Variants in ATG7 observed in about 807,000 individuals in gnomAD.
The protein encoded by ATG7 is autophagy related 7.
ATG7 carries 70 observed loss-of-function variants against 82.4 expected under a neutral mutation model. The observed-to-expected ratio is 0.85, with a 90% CI of 0.70 to 1.04. ATG7 has a LOEUF of 1.04. Among genes scored for constraint, ATG7 ranks in the 50% least tolerant of loss-of-function variants. ATG7 has a pLI of 0.00. For missense variants in ATG7, 792 were observed against 864.3 expected (o/e 0.92, Z 1.05); for synonymous variants, 287 against 313.0 (o/e 0.92, Z 0.88).
intron 20 of ATG7, among the ~76,000 whole-genome samples, chr3:11,501,129 C>G (rs2091289465): frequency 6.6e-6 from 1 of 152,176 alleles, no homozygotes. Context: ...TGATACGCAC[C>G]TGTAGTCCCA....
chr3:11,320,343 A>G (rs1950051440), intron 9 of ATG7, among the ~76,000 whole-genome samples: 1 of 151,740 alleles, frequency 6.6e-6, no homozygotes, highest in Middle Eastern at 3.2e-3. Flanking sequence ...CTGGAGTACA[A>G]TGGCATGATG....
intron 20 of ATG7, among the ~76,000 whole-genome samples, chr3:11,465,184 C>T (rs1245221771): frequency 6.6e-6 from 1 of 151,790 alleles, no homozygotes; most frequent in South Asian, 2.1e-4. Context: ...GGGCCGGGCA[C>T]AGTGGCTCAC....
chr3:11,535,979 G>A (rs2070254670), intron 20 of ATG7, among the ~76,000 whole-genome samples: 1 of 152,346 alleles, frequency 6.6e-6, no homozygotes, highest in East Asian at 1.9e-4. Flanking sequence ...CAGCCATCAG[G>A]CCATCCAGTG....
downstream of ATG7, chr3:11,558,044 T>G (rs2072602930): frequency 6.3e-6 from 1 of 157,986 alleles, no homozygotes; most frequent in South Asian, 1.9e-4. Flanking sequence ...CACATAAAGT[T>G]GTCAGGCAAC....
intron 20 of ATG7, among the ~76,000 whole-genome samples, chr3:11,478,603 G>A (rs1354916139): frequency 2.6e-5 from 4 of 152,112 alleles, no homozygotes; most frequent in Admixed American, 1.3e-4. Context: ...CTCTTGGTTT[G>A]GTTCCATATT....
the ATG7 span, among the ~76,000 whole-genome samples, chr3:11,574,831 GTGTGTGTA>G: frequency 4.3e-5 from 6 of 140,750 alleles, no homozygotes; most frequent in Non-Finnish European, 9.2e-5. Context: ...GTGTGTGTGT[GTGTGTGTA>G]TTTTAAAAGC....
intron 20 of ATG7, among the ~76,000 whole-genome samples, chr3:11,542,840 C>T (rs956754734): frequency 1.3e-5 from 2 of 150,994 alleles, no homozygotes; most frequent in African/African-American, 4.9e-5. Flanking sequence ...TCAAGTGTAG[C>T]TCGGAGGTGC....
intron 14 of ATG7, among the ~76,000 whole-genome samples, chr3:11,350,414 G>A (rs1055021397): frequency 2.6e-5 from 4 of 152,178 alleles, no homozygotes; most frequent in African/African-American, 9.7e-5. Context: ...GGGTGTGCAG[G>A]TTGGCTGTGG....
Position 11,489,227 on chromosome 3 carries a change from G to A in ATG7, c.2079+62301G>A, listed in dbSNP as rs529000629. Among the ~76,000 whole-genome samples, 36 of 152,324 alleles carry A rather than the reference G, an allele frequency of 2.4e-4. No individual in the cohort carries two copies. In the South Asian group the frequency reaches 6.8e-3, roughly 29 times the overall value. On this transcript the variant is annotated intron_variant, in intron 20 of 20. Transcript: ENST00000693202. ...GCTCTCTTCAAAGCTGTCAGACAGGGACATTTAAGTCTGCAGAGGTTACTG... is the reference window on the plus strand; with the variant it reads ...GCTCTCTTCAAAGCTGTCAGACAGGAACATTTAAGTCTGCAGAGGTTACTG...
intron 19 of ATG7, among the ~76,000 whole-genome samples, chr3:11,412,601 G>C (rs1290351966): frequency 6.6e-6 from 1 of 152,142 alleles, no homozygotes; most frequent in Non-Finnish European, 1.5e-5. Flanking sequence ...AGTAAGTTTG[G>C]AAATCAGGAA....
intron 18 of ATG7, among the ~76,000 whole-genome samples, chr3:11,375,580 G>A (rs528320460): frequency 2.0e-4 from 31 of 152,264 alleles, no homozygotes; most frequent in African/African-American, 7.5e-4. Context: ...TTGCCCCCAA[G>A]ATGGAGCCTT....
intron 20 of ATG7, among the ~76,000 whole-genome samples, chr3:11,460,093 A>G (rs2086157994): frequency 6.6e-6 from 1 of 152,206 alleles, no homozygotes; most frequent in Non-Finnish European, 1.5e-5. Context: ...AATAATAACC[A>G]GTTTAAATGT....
At chr3:11,478,989 A>AACACACACAAACACACAAACAC (rs766632953) in intron 20 of ATG7, among the ~76,000 whole-genome samples, 1 of 73,134 alleles carries the variant, frequency 1.4e-5, no homozygotes, top group Non-Finnish European at 2.4e-5. Context: ...GTATATTTAC[A>AACACACACAAACACACAAACAC]ACACACACAC....
chr3:11,322,975 T>C (rs1950407262), intron 9 of ATG7, among the ~76,000 whole-genome samples: 2 of 152,194 alleles, frequency 1.3e-5, no homozygotes, highest in South Asian at 4.1e-4. Flanking sequence ...GGCACACACT[T>C]GTAGTCCAAG....
intron 14 of ATG7, among the ~76,000 whole-genome samples, chr3:11,352,552 T>C (rs1258612693): frequency 6.6e-6 from 1 of 152,250 alleles, no homozygotes; most frequent in Admixed American, 6.5e-5. Context: ...TTCTAACTTG[T>C]GTTAGATGGT....
chr3:11,500,119 C>G (rs1408823852), intron 20 of ATG7, among the ~76,000 whole-genome samples: 2 of 152,100 alleles, frequency 1.3e-5, no homozygotes, highest in African/African-American at 4.8e-5. Flanking sequence ...CCTTTTAATT[C>G]CCTTCCAGGG....
At chr3:11,272,527 G>T (rs377489365) in intron 1 of ATG7, 97 bp downstream of exon 1, 5 of 152,612 alleles carry the variant, frequency 3.3e-5, no homozygotes, top group African/African-American at 1.2e-4. Context: ...GAGGGCGAGG[G>T]TCACAGCAAG....
chr3:11,457,605 C>T (rs376436342), intron 20 of ATG7, among the ~76,000 whole-genome samples: 47 of 152,084 alleles, frequency 3.1e-4, no homozygotes, highest in African/African-American at 9.7e-4. Context: ...GAAACATTTC[C>T]GGAACATACA....
chr3:11,531,923 C>T (rs549750395), intron 20 of ATG7, among the ~76,000 whole-genome samples: 2 of 150,684 alleles, frequency 1.3e-5, no homozygotes, highest in South Asian at 4.2e-4. Flanking sequence ...TTATTGAGTG[C>T]TTACTGTGTG....
Sources: gnomAD v4.1 joint callset for allele counts (sites outside exome capture counted in the v4.1 genomes callset) on GRCh38, gnomAD v4.1.1 for gene constraint, MANE v1.5 for transcripts, NCBI Gene and HGNC (gene_info 2026-07-23, HGNC 2026-07-21) for gene names.